The following ITCH variants were observed in gnomAD, a reference collection of about 807,000 sequenced individuals.
The protein encoded by ITCH is E3 ubiquitin-protein ligase Itchy homolog.
In ITCH, 28 loss-of-function variants were observed where a neutral mutation model predicts 126.8. The observed-to-expected ratio is 0.22, with a 90% confidence interval of 0.16 to 0.30. The LOEUF is 0.30. ITCH is among the 10% of genes least tolerant of loss of function. The pLI, the probability that ITCH is intolerant of heterozygous loss-of-function variation, is 1.00. For missense variants in ITCH, 631 were observed against 1,032.4 expected, an observed-to-expected ratio of 0.61 and a Z score of 5.33; for synonymous variants, 342 against 340.0, an observed-to-expected ratio of 1.01 and a Z score of -0.06.
At chr20:34,471,372 CT>C in intron 15 of ITCH, 71 bp from the exon 16 acceptor site, 1 of 851,802 alleles carries the variant, frequency 1.2e-6, no homozygotes, top group South Asian at 1.3e-5. Context: ...GTAAATAAAA[CT>C]TTCCCCTTTT....
Position 34,481,148 on chromosome 20 carries a change from C to T in ITCH, c.2035C>T (p.Leu679=), listed in dbSNP as rs1168078541. The change falls in exon 20 of 25, where the codon CTG becomes TTG. Residue 679 remains leucine (L), a synonymous_variant. Coordinates refer to ENST00000374864, the MANE Select transcript of ITCH (RefSeq NM_031483.7). ...EILGEIKSHD[L]KPNGGNILVT... is the part of the protein sequence containing the mutation. ...TCTAGGTGAAATTAAGAGTCATGAT[C>T]TGAAACCTAATGGTGGCAATATTCT... 3 of 1,613,104 alleles carry T rather than the reference C, an allele frequency of 1.9e-6. No homozygotes were observed. The South Asian group carries it at 3.3e-5, about 18-fold the overall frequency.
chr20:34,510,341 T>C lies in ITCH; in HGVS notation c.*2547T>C, dbSNP rs1978638274. On this transcript the variant is annotated 3_prime_UTR_variant, in exon 25 of 25. Transcript: ENST00000374864. ...CCAAACTGAACATATGGAAATAGAT[T>C]TATTGTAAGTATTTACTTAGAGCTT... 6.6e-6 allele frequency: 1 copy of C among 152,476 alleles called. No individual in the cohort carries two copies. The highest frequency in any genetic ancestry group is 6.5e-5 in the Admixed American group (1 of 15,268). 9.4% of individuals were successfully genotyped at this position (152,476 alleles called of 1,614,324 possible). A position where few individuals can be genotyped will look rare whatever the true frequency, so the allele number is the denominator to read the frequency against.
At chr20:34,484,744 G>A (rs879569167) in intron 20 of ITCH, among the ~76,000 whole-genome samples, 3 of 152,160 alleles carry the variant, frequency 2.0e-5, no homozygotes, top group Non-Finnish European at 4.4e-5. Flanking sequence ...CTGATCTTAA[G>A]TGTAGAAGTT....
At chr20:34,393,098 G>A (rs2038544183) in intron 2 of ITCH, among the ~76,000 whole-genome samples, 1 of 152,112 alleles carries the variant, frequency 6.6e-6, no homozygotes, top group Admixed American at 6.6e-5. Flanking sequence ...TAACAGTTAT[G>A]TATGCCTTTT....
chr20:34,466,967 A>G (rs1182673019), intron 14 of ITCH, among the ~76,000 whole-genome samples: 2 of 152,196 alleles, frequency 1.3e-5, no homozygotes, highest in Admixed American at 6.5e-5. Context: ...AAAAGAAACA[A>G]TGGAGCGCCC....
chr20:34,434,873 T>C (rs1419108987), intron 7 of ITCH, among the ~76,000 whole-genome samples: 1 of 152,228 alleles, frequency 6.6e-6, no homozygotes, highest in East Asian at 1.9e-4. Flanking sequence ...CAATGTTGGC[T>C]TGGTCTCTTT....
intron 17 of ITCH, among the ~76,000 whole-genome samples, chr20:34,479,037 G>T (rs963786372): frequency 1.3e-5 from 2 of 151,972 alleles, no homozygotes; most frequent in Middle Eastern, 3.2e-3. Context: ...TGTTAATATT[G>T]GTTCATATTT....
At chr20:34,493,362 G>A (rs772460660) in intron 23 of ITCH, among the ~76,000 whole-genome samples, 18 of 152,176 alleles carry the variant, frequency 1.2e-4, no homozygotes, top group Non-Finnish European at 1.9e-4. Flanking sequence ...GGAAGCTGTG[G>A]AACTTTTTGA....
chr20:34,363,760 G>A (rs2037293333), intron 1 of ITCH, among the ~76,000 whole-genome samples: 1 of 152,064 alleles, frequency 6.6e-6, no homozygotes, highest in African/African-American at 2.4e-5. Flanking sequence ...GTGGCCCTGT[G>A]AGGGGCGGCG....
chr20:34,444,420 C>T (rs2146302144), intron 10 of ITCH, among the ~76,000 whole-genome samples: 1 of 152,158 alleles, frequency 6.6e-6, no homozygotes, highest in East Asian at 1.9e-4. Flanking sequence ...CCTGTCTCTA[C>T]TAAAAATACA....
At chr20:34,422,827 C>T (rs919577450) in intron 6 of ITCH, among the ~76,000 whole-genome samples, 6 of 151,930 alleles carry the variant, frequency 3.9e-5, no homozygotes, top group African/African-American at 1.4e-4. Flanking sequence ...CGGAGTTTCA[C>T]TCTGTCGCCC....
intron 24 of ITCH, among the ~76,000 whole-genome samples, chr20:34,504,616 T>A (rs566855535): frequency 2.8e-4 from 13 of 46,514 alleles, no homozygotes; most frequent in African/African-American, 4.3e-4. Context: ...ATTTTTTTTC[T>A]AATGTGGGAT....
chr20:34,374,664 G>A (rs2037765421), intron 2 of ITCH, among the ~76,000 whole-genome samples: 1 of 152,104 alleles, frequency 6.6e-6, no homozygotes, highest in African/African-American at 2.4e-5. Context: ...ATCAGACTGG[G>A]ACTTTAAGTG....
intron 12 of ITCH, among the ~76,000 whole-genome samples, chr20:34,456,690 G>A (rs1473625788): frequency 6.8e-6 from 1 of 147,400 alleles, no homozygotes; most frequent in African/African-American, 2.5e-5. Flanking sequence ...ATATACAAAT[G>A]TATATTTAAT....
At chr20:34,415,091 A>G (rs1170879934) in intron 6 of ITCH, among the ~76,000 whole-genome samples, 2 of 152,232 alleles carry the variant, frequency 1.3e-5, no homozygotes, top group Non-Finnish European at 2.9e-5. Context: ...CATAGATTTT[A>G]GAGGCCTGAA....
At chr20:34,474,719 C>T (rs1223052557) in intron 16 of ITCH, among the ~76,000 whole-genome samples, 2 of 152,144 alleles carry the variant, frequency 1.3e-5, no homozygotes, top group Admixed American at 6.5e-5. Flanking sequence ...AGAGGGGCTC[C>T]TCACTTCCCA....
chr20:34,375,696 ATTTTTTTTTT>A (rs5841171), intron 2 of ITCH, among the ~76,000 whole-genome samples: 146 of 65,554 alleles, frequency 2.2e-3, no homozygotes, highest in African/African-American at 9.6e-3. Flanking sequence ...GGTAGTTAAA[ATTTTTTTTTT>A]TTTTTTTTTT....
intron 1 of ITCH, among the ~76,000 whole-genome samples, chr20:34,368,841 T>G (rs2037514819): frequency 6.6e-6 from 1 of 152,166 alleles, no homozygotes; most frequent in South Asian, 2.1e-4. Flanking sequence ...GCTGGTGTAT[T>G]TATATGGCCA....
At chr20:34,480,477 C>T in intron 18 of ITCH, 122 bp from the exon 19 acceptor site, 2 of 1,183,420 alleles carry the variant, frequency 1.7e-6, no homozygotes, top group South Asian at 2.5e-5. Flanking sequence ...GCTGGGATTA[C>T]AGGCGTGAGC....
Sources: allele counts gnomAD v4.1 joint callset (sites outside exome capture counted in the v4.1 genomes callset), GRCh38; gene constraint gnomAD v4.1.1; transcripts MANE v1.5; gene names NCBI Gene and HGNC (gene_info 2026-07-23, HGNC 2026-07-21).